Variants in PTPRG observed in about 807,000 individuals in gnomAD.
PTPRG encodes the protein protein tyrosine phosphatase receptor type G, also known as receptor-type tyrosine-protein phosphatase gamma.
Under a neutral mutation model 165.3 loss-of-function variants are expected in PTPRG, and 102 were observed. The observed-to-expected ratio is 0.62, with a 90% confidence interval of 0.53 to 0.73. The LOEUF is 0.73. PTPRG is among the 30% of genes least tolerant of loss of function. The pLI, the probability that PTPRG is intolerant of heterozygous loss-of-function variation, is 0.00. For missense variants in PTPRG, 1,866 were observed against 1,861.4 expected, an observed-to-expected ratio of 1.00 and a Z score of -0.05; for synonymous variants, 675 against 669.5, an observed-to-expected ratio of 1.01 and a Z score of -0.13.
Position 62,027,820 on chromosome 3 carries a change from C to T in PTPRG, c.519+24323C>T, listed in dbSNP as rs183747432. Among the ~76,000 whole-genome samples, 538 of 152,164 alleles carry T rather than the reference C, an allele frequency of 3.5e-3. 4 individuals are homozygous for T. The highest frequency in any genetic ancestry group is 0.012 in the African/African-American group (503 of 41,494). The stretch of plus-strand genomic sequence containing the variant: ...TGATCACCCAGGAAATGTGTGTGTT[C>T]GTCTATAGGACAAGGCCGGGGATTA... On this transcript the variant is annotated intron_variant, in intron 4 of 29. Coordinates refer to ENST00000474889, the MANE Select transcript of PTPRG (RefSeq NM_002841.4).
intron 6 of PTPRG, among the ~76,000 whole-genome samples, chr3:62,154,337 C>T (rs1468295202): frequency 2.0e-5 from 3 of 152,192 alleles, no homozygotes; most frequent in Non-Finnish European, 4.4e-5. Context: ...GTCCCTTGTA[C>T]TGGGTCTACC....
At chr3:62,201,114 C>T (rs1373027410) in intron 10 of PTPRG, among the ~76,000 whole-genome samples, 1 of 152,100 alleles carries the variant, frequency 6.6e-6, no homozygotes, top group Non-Finnish European at 1.5e-5. Flanking sequence ...GGCGATATGT[C>T]TTTATATTAC....
intron 1 of PTPRG, among the ~76,000 whole-genome samples, chr3:61,596,737 A>AC (rs1559517501): frequency 2.0e-5 from 3 of 152,062 alleles, no homozygotes; most frequent in African/African-American, 4.8e-5. Flanking sequence ...ACAATGAACA[A>AC]AAATGAGAAT....
At chr3:61,867,781 CG>C (rs2037451193) in intron 2 of PTPRG, among the ~76,000 whole-genome samples, 1 of 152,198 alleles carries the variant, frequency 6.6e-6, no homozygotes, top group African/African-American at 2.4e-5. Context: ...GGACATAGGA[CG>C]TCCCTTACGG....
At position 62,277,295 on chromosome 3, in the gene PTPRG, C is replaced by T. The variant is rs374759400; in HGVS notation, c.3636+247C>T. Among the ~76,000 whole-genome samples, 364 of 152,186 alleles carry T rather than the reference C, an allele frequency of 2.4e-3. 1 individual carries two copies. Among genetic ancestry groups the T allele is most frequent in the African/African-American group, 8.5e-3 (353 of 41,546 alleles). ...TTATTGTTAATTTCACACATCTAGT[C>T]TTTGAATAAATGTTGAAATTTCCCT... On this transcript the variant is annotated intron_variant, in intron 25 of 29. Transcript: ENST00000474889.
chr3:62,066,484 A>G (rs1701016554), intron 4 of PTPRG, among the ~76,000 whole-genome samples: 2 of 149,334 alleles, frequency 1.3e-5, no homozygotes. Context: ...AGTACAAAGC[A>G]ATTTCTAAAA....
chr3:62,007,793 G>C (rs1335511241), intron 4 of PTPRG, among the ~76,000 whole-genome samples: 1 of 152,230 alleles, frequency 6.6e-6, no homozygotes, highest in African/African-American at 2.4e-5. Context: ...AGATGAGTTG[G>C]AGCTTCCTAG....
chr3:61,881,903 G>C (rs992951294), intron 2 of PTPRG, among the ~76,000 whole-genome samples: 26 of 152,072 alleles, frequency 1.7e-4, no homozygotes, highest in African/African-American at 5.8e-4. Flanking sequence ...TTGACATTTT[G>C]GTTCCCCTGA....
intron 1 of PTPRG, among the ~76,000 whole-genome samples, chr3:61,702,313 C>G (rs2031012438): frequency 6.6e-6 from 1 of 152,174 alleles, no homozygotes; most frequent in African/African-American, 2.4e-5. Flanking sequence ...ATGCATCCTG[C>G]TAAGACTTTA....
chr3:62,216,743 C>T (rs958753468), intron 12 of PTPRG, among the ~76,000 whole-genome samples: 1 of 152,212 alleles, frequency 6.6e-6, no homozygotes, highest in Non-Finnish European at 1.5e-5. Context: ...ACTGCTCTTA[C>T]GACTAAATTC....
intron 14 of PTPRG, among the ~76,000 whole-genome samples, chr3:62,238,748 C>A (rs568191789): frequency 6.6e-6 from 1 of 152,276 alleles, no homozygotes; most frequent in Admixed American, 6.5e-5. Flanking sequence ...TTAATAACCA[C>A]CATTTGACTG....
At chr3:62,241,811 A>G (rs1701166679) in intron 14 of PTPRG, among the ~76,000 whole-genome samples, 1 of 152,170 alleles carries the variant, frequency 6.6e-6, no homozygotes, top group Non-Finnish European at 1.5e-5. Context: ...GTTTTTTTCA[A>G]GTTAAAGGCT....
intron 2 of PTPRG, among the ~76,000 whole-genome samples, chr3:61,979,636 T>C (rs1052224282): frequency 7.2e-5 from 11 of 152,224 alleles, no homozygotes; most frequent in Admixed American, 6.5e-4. Context: ...TATGAATTTA[T>C]TGAAATAGAA....
chr3:61,638,900 C>CAGAG (rs1266235193), intron 1 of PTPRG, among the ~76,000 whole-genome samples: 1 of 152,048 alleles, frequency 6.6e-6, no homozygotes, highest in Admixed American at 6.5e-5. Context: ...TTTTGCTGTG[C>CAGAG]AGAGCCCTTT....
chr3:61,666,267 C>T (rs1464180246), intron 1 of PTPRG, among the ~76,000 whole-genome samples: 2 of 152,188 alleles, frequency 1.3e-5, no homozygotes, highest in Non-Finnish European at 2.9e-5. Context: ...TGAGATTTCT[C>T]TTCTGTTATC....
rs1159191095 is a variant in PTPRG at position 62,195,308 on chromosome 3, T to C, written c.1327+138T>C. On this transcript the variant is annotated intron_variant, in intron 10 of 29. Coordinates refer to ENST00000474889, the MANE Select transcript of PTPRG (RefSeq NM_002841.4). The surrounding 1 kb of genome is among the most constrained non-coding windows in gnomAD (Gnocchi z 4.4). ...AATCAGTGTAGGGTTTTAAAGCCTA[T>C]GCGGGAAGCCCTAGTAATTTAGGTC... 6.8e-6 allele frequency: 5 copies of C among 737,024 alleles called. No individual in the cohort carries two copies. The highest frequency in any genetic ancestry group is 1.8e-5 in the African/African-American group (1 of 56,120). 45.7% of individuals were successfully genotyped at this position (737,024 alleles called of 1,614,324 possible).
chr3:61,956,952 T>C (rs991729573), intron 2 of PTPRG, among the ~76,000 whole-genome samples: 3 of 152,228 alleles, frequency 2.0e-5, no homozygotes, highest in African/African-American at 7.2e-5. Flanking sequence ...TTTATTCCAT[T>C]GACTTGTTTA....
intron 1 of PTPRG, among the ~76,000 whole-genome samples, chr3:61,721,172 C>G (rs898817284): frequency 1.3e-5 from 2 of 152,210 alleles, no homozygotes; most frequent in African/African-American, 4.8e-5. Flanking sequence ...TTTCTGGTCA[C>G]TGGCCACTCT....
chr3:61,635,215 G>A (rs182347501), intron 1 of PTPRG, among the ~76,000 whole-genome samples: 8 of 151,932 alleles, frequency 5.3e-5, no homozygotes, highest in Non-Finnish European at 1.0e-4. Context: ...CCAATAAAAT[G>A]AGTTGGCGAA....
Sources: gnomAD v4.1 joint callset for allele counts (sites outside exome capture counted in the v4.1 genomes callset) on GRCh38, gnomAD v4.1.1 for gene constraint, Gnocchi (gnomAD v3.1) non-coding constraint, MANE v1.5 for transcripts, NCBI Gene and HGNC (gene_info 2026-07-23, HGNC 2026-07-21) for gene names.